The following KALRN variants were observed in gnomAD, a reference collection of about 807,000 sequenced individuals.
KALRN encodes kalirin.
In KALRN, 70 loss-of-function variants were observed where a neutral mutation model predicts 353.7. The observed-to-expected ratio is 0.20, with a 90% CI of 0.16 to 0.24. The LOEUF (loss-of-function observed/expected upper bound fraction) is 0.24. Ranked by LOEUF, KALRN falls within the 10% of genes least tolerant of loss-of-function variation. The pLI is 1.00. For synonymous variants in KALRN, 1,391 were observed against 1,434.8 expected, an observed-to-expected ratio of 0.97 and a Z score of 0.69; for missense variants, 2,791 against 3,756.7, an observed-to-expected ratio of 0.74 and a Z score of 6.72.
At chr3:124,046,228 T>C (rs932762324) in intron 1 of KALRN, among the ~76,000 whole-genome samples, 1 of 152,182 alleles carries the variant, frequency 6.6e-6, no homozygotes, top group Non-Finnish European at 1.5e-5. Flanking sequence ...TGGTAGAGAC[T>C]CAAAGTATTA....
intron 1 of KALRN, among the ~76,000 whole-genome samples, chr3:124,103,442 T>G (rs1483767499): frequency 6.6e-6 from 1 of 152,178 alleles, no homozygotes; most frequent in Non-Finnish European, 1.5e-5. Flanking sequence ...TTCAGAAGGC[T>G]AGTTGGATCC....
At chr3:124,264,905 T>A (rs1263806918) in intron 4 of KALRN, among the ~76,000 whole-genome samples, 1 of 152,214 alleles carries the variant, frequency 6.6e-6, no homozygotes, top group Non-Finnish European at 1.5e-5. Context: ...CATTAGACAG[T>A]CTTATTTACT....
intron 43 of KALRN, among the ~76,000 whole-genome samples, chr3:124,660,035 G>A (rs181525155): frequency 2.6e-5 from 4 of 151,956 alleles, no homozygotes; most frequent in Admixed American, 2.0e-4. Context: ...GAGCTCAAGC[G>A]ATTCTCCCTT....
intron 10 of KALRN, among the ~76,000 whole-genome samples, chr3:124,377,465 G>A (rs779301254): frequency 6.6e-6 from 1 of 151,548 alleles, no homozygotes; most frequent in Non-Finnish European, 1.5e-5. Flanking sequence ...CTATGGCTGA[G>A]AATATGGTTT....
Position 124,720,239 on chromosome 3 carries a change from T to C in KALRN, c.*769T>C, listed in dbSNP as rs559907028. Reference sequence around the variant, plus strand: ...TTGATTAAGATAGGTTCTTTCTGTATATGAAACGCTCCCCGCAAATTCACT... The same window carrying C: ...TTGATTAAGATAGGTTCTTTCTGTACATGAAACGCTCCCCGCAAATTCACT... On this transcript the variant is annotated 3_prime_UTR_variant, in exon 60 of 60. Transcript: ENST00000682506. 1 of 152,778 alleles carries C rather than the reference T, an allele frequency of 6.5e-6. No homozygotes were observed. The highest frequency in any genetic ancestry group is 2.4e-5 in the African/African-American group (1 of 41,582). 9.5% of individuals were successfully genotyped at this position (152,778 alleles called of 1,614,324 possible).
intron 10 of KALRN, among the ~76,000 whole-genome samples, chr3:124,376,311 C>T (rs767201763): frequency 1.3e-5 from 2 of 152,182 alleles, no homozygotes; most frequent in Non-Finnish European, 2.9e-5. Flanking sequence ...CTTATTTGGA[C>T]ATAAAGTTGT....
chr3:124,584,734 G>A, intron 34 of KALRN: 1 of 1,507,712 alleles, frequency 6.6e-7, no homozygotes, highest in South Asian at 1.3e-5. Flanking sequence ...CGGCTCTCGG[G>A]CGGCGGCGCT....
chr3:124,645,632 C>T (rs1047216527), intron 37 of KALRN, among the ~76,000 whole-genome samples: 1 of 93,944 alleles, frequency 1.1e-5, no homozygotes, highest in Non-Finnish European at 2.1e-5. Flanking sequence ...ATATTTCTCT[C>T]TCTCTCTCTC....
At chr3:124,582,017 T>TG (rs1561335551) in intron 34 of KALRN, among the ~76,000 whole-genome samples, 2 of 144,772 alleles carry the variant, frequency 1.4e-5, no homozygotes, top group African/African-American at 2.7e-5. Context: ...CAACATGAGC[T>TG]ATTTTTTTTT....
intron 1 of KALRN, among the ~76,000 whole-genome samples, chr3:124,125,751 T>C (rs2064577123): frequency 6.6e-6 from 1 of 152,226 alleles, no homozygotes; most frequent in Non-Finnish European, 1.5e-5. Flanking sequence ...CTTCTACTCC[T>C]TGCCTTTGAT....
intron 13 of KALRN, among the ~76,000 whole-genome samples, chr3:124,408,702 C>T (rs1218102196): frequency 6.6e-6 from 1 of 150,616 alleles, no homozygotes; most frequent in Non-Finnish European, 1.5e-5. Flanking sequence ...AGTGGGTAGA[C>T]CATAGGAAGT....
Position 124,562,899 on chromosome 3 carries a change from C to A in KALRN, c.4992C>A (p.Ser1664Arg), listed in dbSNP as rs781613761. ...VVLQDFSAGH[S>R]SELTIQVGQT... ...TCCAGGACTTCAGTGCGGGCCACAG[C>A]AGTGAGCTGACCATCCAGGTGGGGC... The change falls in exon 34 of 60, where the codon AGC (serine) becomes AGA (arginine). Residue 1664 changes from serine (S) to arginine (R), a missense_variant. Transcript: ENST00000682506. 1.8e-5 allele frequency: 25 copies of A among 1,367,700 alleles called. No homozygotes were observed. Among genetic ancestry groups the A allele is most frequent in the Non-Finnish European group, 2.4e-5 (25 of 1,021,994 alleles). 84.7% of individuals were successfully genotyped at this position (1,367,700 alleles called of 1,614,324 possible).
chr3:124,578,321 T>C (rs1443849609), intron 34 of KALRN, among the ~76,000 whole-genome samples: 2 of 152,196 alleles, frequency 1.3e-5, no homozygotes, highest in African/African-American at 4.8e-5. Flanking sequence ...TTGGGAATAT[T>C]GATTAGCCAT....
chr3:124,036,441 C>T (rs1420076743), intron 1 of KALRN, among the ~76,000 whole-genome samples: 1 of 151,522 alleles, frequency 6.6e-6, no homozygotes, highest in East Asian at 1.9e-4. Flanking sequence ...GTACATGTAC[C>T]ACATTTTCTT....
chr3:124,468,366 C>T (rs1440910429), intron 25 of KALRN, among the ~76,000 whole-genome samples: 1 of 152,086 alleles, frequency 6.6e-6, no homozygotes, highest in Non-Finnish European at 1.5e-5. Context: ...TCCATGGCTG[C>T]ACGGCAGAGC....
intron 9 of KALRN, among the ~76,000 whole-genome samples, chr3:124,338,750 A>C (rs2081382845): frequency 6.6e-6 from 1 of 152,078 alleles, no homozygotes; most frequent in Non-Finnish European, 1.5e-5. Flanking sequence ...AAAGTCTCCC[A>C]CTATTATTGT....
Position 124,422,926 on chromosome 3 carries a change from A to G in KALRN, c.2657A>G (p.Lys886Arg). 1 of 1,613,836 alleles carries G rather than the reference A, an allele frequency of 6.2e-7. No individual in the cohort carries two copies. Among genetic ancestry groups the G allele is most frequent in the East Asian group, 2.2e-5 (1 of 44,880 alleles). ...ELELNAEQTH[K>R]RLEQCLQLRH... ...GAGCTCAATGCAGAGCAGACTCATA[A>G]GCGGCTAGAGCAGTGCCTCCAATTA... is the stretch of plus-strand genomic sequence containing the variant. Residue 886 changes from lysine (K) to arginine (R), a missense_variant, in exon 15 of 60, where the codon AAG (lysine) becomes AGG (arginine). By Grantham distance (26) the Lys-to-Arg change is conservative. Coordinates refer to ENST00000682506, the MANE Select transcript of KALRN (RefSeq NM_001388419.1).
At chr3:124,089,680 G>A (rs2061005024) in intron 1 of KALRN, among the ~76,000 whole-genome samples, 1 of 151,404 alleles carries the variant, frequency 6.6e-6, no homozygotes, top group African/African-American at 2.4e-5. Flanking sequence ...CAATGTAGGT[G>A]CCTTGGGGAA....
intron 34 of KALRN, among the ~76,000 whole-genome samples, chr3:124,566,233 G>C (rs2072807493): frequency 6.6e-6 from 1 of 152,148 alleles, no homozygotes; most frequent in Non-Finnish European, 1.5e-5. Context: ...AGGCGCAGTG[G>C]CTCACTCCTG....
Sources: allele counts gnomAD v4.1 joint callset (sites outside exome capture counted in the v4.1 genomes callset), GRCh38; gene constraint gnomAD v4.1.1; transcripts MANE v1.5; gene names NCBI Gene and HGNC (gene_info 2026-07-23, HGNC 2026-07-21).